The following GAB2 variants were observed in gnomAD, a reference collection of about 807,000 sequenced individuals.
GAB2 encodes GRB2-associated-binding protein 2.
In GAB2, 26 loss-of-function variants were observed where a neutral mutation model predicts 65.5. The ratio of observed to expected loss-of-function variants is 0.40; its 90% confidence interval spans 0.29 to 0.55. GAB2 has a LOEUF of 0.55. Ranked by LOEUF, GAB2 falls within the 20% of genes least tolerant of loss-of-function variation. The pLI is 0.53. For synonymous variants in GAB2, 321 were observed against 329.6 expected (o/e 0.97, Z 0.28); for missense variants, 884 against 875.8 (o/e 1.01, Z -0.12).
At chr11:78,401,304 ACC>A (rs1856968714) in intron 1 of GAB2, among the ~76,000 whole-genome samples, 1 of 151,954 alleles carries the variant, frequency 6.6e-6, no homozygotes, top group Admixed American at 6.6e-5. Flanking sequence ...ATTGTCCCCT[ACC>A]CCTAGCCCCT....
In GAB2 at chr11:78,216,375, C is replaced by CATGGATAG. The variant is rs937723173; in HGVS notation, c.*2889_*2896dup. On this transcript the variant is annotated 3_prime_UTR_variant, in exon 10 of 10. Transcript: ENST00000361507. Reference sequence around the variant, plus strand: ...CCCCCAGGAGAGGTGGACTTTGACCCATGGATAGGCCAAAGGACCAGTTTT... The same window carrying CATGGATAG: ...CCCCCAGGAGAGGTGGACTTTGACCCATGGATAGATGGATAGGCCAAAGGACCAGTTTT... 11 of 152,268 alleles carry CATGGATAG rather than the reference C, an allele frequency of 7.2e-5. No individual in the cohort carries two copies. The highest frequency in any genetic ancestry group is 6.5e-4 in the Admixed American group (10 of 15,296). 9.4% of individuals were successfully genotyped at this position (152,268 alleles called of 1,614,324 possible). A position where few individuals can be genotyped will look rare whatever the true frequency, so the allele number is the denominator to read the frequency against.
chr11:78,393,533 AAGCCAAAACTATCCTTTCTGAG>A (rs1483252653), intron 1 of GAB2, among the ~76,000 whole-genome samples: 1 of 152,248 alleles, frequency 6.6e-6, no homozygotes, highest in African/African-American at 2.4e-5. Flanking sequence ...AGAATCAGGG[AAGCCAAAACTATCCTTTCTGAG>A]AGCCAATTTG....
At position 78,217,377 on chromosome 11, in the gene GAB2, T is replaced by TAGG; in HGVS notation, c.*1892_*1894dup. 6.6e-6 allele frequency: 1 copy of TAGG among 152,316 alleles called. No individual in the cohort carries two copies. The allele number at this position is 152,316 out of a possible 1,614,324, so 9.4% of individuals were successfully genotyped here. On this transcript the variant is annotated 3_prime_UTR_variant, in exon 10 of 10. Coordinates refer to ENST00000361507, the MANE Select transcript of GAB2 (RefSeq NM_080491.3). Reference sequence around the variant, plus strand: ...TCCTTGAGTTGATCTAAACTAATGCTAGGAGGAGAGGTGCAGCTCTTGAAG... The same window carrying TAGG: ...TCCTTGAGTTGATCTAAACTAATGCTAGGAGGAGGAGAGGTGCAGCTCTTGAAG...
intron 1 of GAB2, among the ~76,000 whole-genome samples, chr11:78,328,255 G>A (rs1321307005): frequency 6.6e-6 from 1 of 152,170 alleles, no homozygotes; most frequent in Admixed American, 6.5e-5. Context: ...TCCTGTTGCA[G>A]GGCATTTACT....
At chr11:78,409,704 A>C (rs545668094) in intron 1 of GAB2, among the ~76,000 whole-genome samples, 77 of 152,374 alleles carry the variant, frequency 5.1e-4, no homozygotes, top group Non-Finnish European at 3.7e-4. Flanking sequence ...AACAATCGAC[A>C]GAAGAACTAG....
At chr11:78,367,621 C>T (rs1260644112) in intron 1 of GAB2, among the ~76,000 whole-genome samples, 1 of 152,054 alleles carries the variant, frequency 6.6e-6, no homozygotes, top group Non-Finnish European at 1.5e-5. Flanking sequence ...CTAAAGATAC[C>T]AGTCTATAAT....
chr11:78,400,885 CAG>C (rs1201271348), intron 1 of GAB2, among the ~76,000 whole-genome samples: 1 of 109,694 alleles, frequency 9.1e-6, no homozygotes, highest in East Asian at 2.9e-4. Context: ...GCCTGAGTGA[CAG>C]AGTGAGACTG....
At chr11:78,417,048 C>T (rs947279713) in intron 1 of GAB2, among the ~76,000 whole-genome samples, 2 of 152,084 alleles carry the variant, frequency 1.3e-5, no homozygotes, top group African/African-American at 2.4e-5. Flanking sequence ...GAGAGACGAA[C>T]GGAATAAAGG....
At chr11:78,399,980 A>G (rs947583799) in intron 1 of GAB2, among the ~76,000 whole-genome samples, 1 of 152,234 alleles carries the variant, frequency 6.6e-6, no homozygotes, top group Non-Finnish European at 1.5e-5. Flanking sequence ...TTGTCAATAT[A>G]CACTGACATT....
chr11:78,394,839 G>T (rs986874676), intron 1 of GAB2, among the ~76,000 whole-genome samples: 4 of 152,286 alleles, frequency 2.6e-5, no homozygotes, highest in East Asian at 1.9e-4. Context: ...GAGACGAAAA[G>T]AACTAAATAC....
chr11:78,292,596 A>G (rs1165062941), intron 1 of GAB2, among the ~76,000 whole-genome samples: 1 of 152,226 alleles, frequency 6.6e-6, no homozygotes, highest in Non-Finnish European at 1.5e-5. Context: ...ATATATTTCA[A>G]CACGAAGCTA....
chr11:78,354,360 A>C (rs775443845), intron 1 of GAB2, among the ~76,000 whole-genome samples: 1 of 152,206 alleles, frequency 6.6e-6, no homozygotes, highest in Non-Finnish European at 1.5e-5. Flanking sequence ...AGTTTGTGAA[A>C]GAATATGTGA....
intron 1 of GAB2, among the ~76,000 whole-genome samples, chr11:78,369,203 T>A (rs979366246): frequency 6.6e-6 from 1 of 151,708 alleles, no homozygotes; most frequent in African/African-American, 2.4e-5. Flanking sequence ...TTATCATCCC[T>A]GCTGGTCTCC....
chr11:78,412,031 AAAC>A (rs373083805), intron 1 of GAB2, among the ~76,000 whole-genome samples: 11,947 of 150,678 alleles, frequency 0.079, 618 homozygotes, highest in Non-Finnish European at 0.12. Context: ...ATCTGTCTAA[AAAC>A]AACAACAACA....
intron 1 of GAB2, among the ~76,000 whole-genome samples, chr11:78,328,219 A>G (rs1383429464): frequency 7.2e-5 from 11 of 152,186 alleles, no homozygotes; most frequent in Non-Finnish European, 1.5e-5. Context: ...TGGGTCAATA[A>G]TCTCAATGGG....
chr11:78,325,773 T>C (rs377389589), intron 1 of GAB2, among the ~76,000 whole-genome samples: 1 of 152,306 alleles, frequency 6.6e-6, no homozygotes. Flanking sequence ...TCACAAGATA[T>C]ATAGATAATA....
At chr11:78,416,669 C>A (rs1444319071) in intron 1 of GAB2, among the ~76,000 whole-genome samples, 1 of 152,110 alleles carries the variant, frequency 6.6e-6, no homozygotes, top group Admixed American at 6.5e-5. Flanking sequence ...ACCTTACCCC[C>A]ACTTCCAAAC....
chr11:78,231,110 T>A (rs892189022), intron 3 of GAB2, among the ~76,000 whole-genome samples: 18 of 152,174 alleles, frequency 1.2e-4, no homozygotes, highest in African/African-American at 4.3e-4. Flanking sequence ...TTTCACATTA[T>A]CAGATGAGGA....
intron 1 of GAB2, among the ~76,000 whole-genome samples, chr11:78,300,273 T>C (rs376818014): frequency 6.9e-6 from 1 of 144,380 alleles, no homozygotes; most frequent in Admixed American, 6.7e-5. Flanking sequence ...CTGACTCATA[T>C]TGCTGCATGT....
Sources: allele counts gnomAD v4.1 joint callset (sites outside exome capture counted in the v4.1 genomes callset), GRCh38; gene constraint gnomAD v4.1.1; transcripts MANE v1.5; gene names NCBI Gene and HGNC (gene_info 2026-07-23, HGNC 2026-07-21).